ASB3: variants seen among roughly 807,000 people sequenced by gnomAD.
The protein encoded by ASB3 is ankyrin repeat and SOCS box containing 3.
In ASB3, 41 loss-of-function variants were observed where a neutral mutation model predicts 54.5. The ratio of observed to expected loss-of-function variants is 0.75; its 90% confidence interval spans 0.59 to 0.98. ASB3 has a LOEUF of 0.98. Among genes scored for constraint, ASB3 ranks in the 50% least tolerant of loss-of-function variants. ASB3 has a pLI of 0.00. For missense variants in ASB3, 733 were observed against 620.0 expected (o/e 1.18, Z -1.94); for synonymous variants, 266 against 221.2 (o/e 1.20, Z -1.80).
At chr2:53,705,552 C>T (rs186255119) in intron 7 of ASB3, among the ~76,000 whole-genome samples, 7 of 152,124 alleles carry the variant, frequency 4.6e-5, no homozygotes, top group Admixed American at 2.0e-4. Flanking sequence ...TCTGACCATG[C>T]CTTTCTGTGA....
chr2:53,774,630 T>C, intron 1 of ASB3: 1 of 837,176 alleles, frequency 1.2e-6, no homozygotes, highest in Non-Finnish European at 1.7e-6. Flanking sequence ...TATTTAAACT[T>C]TTATTTTAAC....
At chr2:53,761,117 C>A (rs1216936964) in intron 2 of ASB3, among the ~76,000 whole-genome samples, 1 of 152,160 alleles carries the variant, frequency 6.6e-6, no homozygotes. Context: ...ACAGGACTAG[C>A]TGGATTTCCT....
chr2:53,737,309 G>A lies in ASB3; in HGVS notation c.356-7739C>T, dbSNP rs1671693874. Reference sequence around the variant, plus strand: ...CCAAGTAGAGCAACAGTAAGGTTGGGAAAGGTGTACTCCAACCAGAGGAAA... The same window carrying A: ...CCAAGTAGAGCAACAGTAAGGTTGGAAAAGGTGTACTCCAACCAGAGGAAA... On this transcript the variant is annotated intron_variant, in intron 3 of 9. Transcript: ENST00000263634. Among the ~76,000 whole-genome samples, 5 of 152,134 alleles carry A rather than the reference G, an allele frequency of 3.3e-5. No individual in the cohort carries two copies. In the South Asian group the frequency reaches 1.0e-3, roughly 32 times the overall value.
At chr2:53,767,977 C>A in intron 1 of ASB3, 1 of 1,614,088 alleles carries the variant, frequency 6.2e-7, no homozygotes, top group Non-Finnish European at 8.5e-7. Flanking sequence ...CTACAGCAGG[C>A]GCTTCTGGCA....
intron 5 of ASB3, among the ~76,000 whole-genome samples, chr2:53,725,184 A>G (rs879597704): frequency 3.0e-4 from 45 of 152,348 alleles, no homozygotes; most frequent in Admixed American, 2.9e-3. Context: ...TTAACAAATT[A>G]ACAAAAACCA....
At chr2:53,671,380 G>A (rs1667809075) in intron 9 of ASB3, among the ~76,000 whole-genome samples, 1 of 151,804 alleles carries the variant, frequency 6.6e-6, no homozygotes, top group Admixed American at 6.6e-5. Flanking sequence ...GTGTGTGTGT[G>A]TGTGTGTGTG....
chr2:53,779,136 T>C (rs904266784), intron 1 of ASB3, among the ~76,000 whole-genome samples: 2 of 152,256 alleles, frequency 1.3e-5, no homozygotes, highest in African/African-American at 2.4e-5. Context: ...TGATGATTAG[T>C]AATGTTGAAC....
intron 9 of ASB3, among the ~76,000 whole-genome samples, chr2:53,682,730 G>A (rs1668441101): frequency 1.3e-5 from 2 of 152,062 alleles, no homozygotes; most frequent in African/African-American, 4.8e-5. Context: ...ACCCACCTCG[G>A]CCTCCCAAAG....
chr2:53,761,170 G>C (rs763486270), intron 2 of ASB3, among the ~76,000 whole-genome samples: 1 of 152,086 alleles, frequency 6.6e-6, no homozygotes, highest in African/African-American at 2.4e-5. Context: ...AAAGGTGACC[G>C]CACCTACCTT....
intron 5 of ASB3, among the ~76,000 whole-genome samples, chr2:53,724,972 T>C (rs202151380): frequency 6.6e-6 from 1 of 152,106 alleles, no homozygotes; most frequent in African/African-American, 2.4e-5. Context: ...AAAATATACA[T>C]GCACTTGCAT....
At chr2:53,719,829 A>AG (rs1440430134) in intron 5 of ASB3, among the ~76,000 whole-genome samples, 2 of 152,132 alleles carry the variant, frequency 1.3e-5, no homozygotes, top group African/African-American at 2.4e-5. Flanking sequence ...AACTCTTACA[A>AG]GGGGGGAGGA....
intron 5 of ASB3, among the ~76,000 whole-genome samples, chr2:53,717,155 T>C (rs1418922586): frequency 6.6e-6 from 1 of 152,234 alleles, no homozygotes; most frequent in African/African-American, 2.4e-5. Flanking sequence ...CAATGAAGGA[T>C]ACATTTCATT....
At chr2:53,752,651 T>C (rs1672582617) in intron 2 of ASB3, among the ~76,000 whole-genome samples, 1 of 152,276 alleles carries the variant, frequency 6.6e-6, no homozygotes, top group Non-Finnish European at 1.5e-5. Flanking sequence ...AGCATTTGGC[T>C]GTCTCCTCTC....
chr2:53,676,559 A>G (rs1668089803), intron 9 of ASB3, among the ~76,000 whole-genome samples: 1 of 152,230 alleles, frequency 6.6e-6, no homozygotes, highest in Non-Finnish European at 1.5e-5. Flanking sequence ...CACAGGTGTC[A>G]TAACATCAAC....
rs1263442476 is a variant in ASB3 at position 53,670,623 on chromosome 2, T to C, written c.1437A>G (p.Leu479=). The C allele has an allele frequency of 1.9e-6, 3 of 1,614,072 alleles. No homozygotes were observed. The highest frequency in any genetic ancestry group is 2.2e-5 in the East Asian group (1 of 44,868). The change falls in exon 10 of 10, where the codon CTA becomes CTG. Residue 479 remains leucine (L), a synonymous_variant. Coordinates refer to ENST00000263634, the MANE Select transcript of ASB3 (RefSeq NM_016115.5). Reference sequence around the variant, plus strand: ...GCTGACTAATATAACTGTCAGACCGTAGACGTTCTGATTTTAGACTGGACC... The same window carrying C: ...GCTGACTAATATAACTGTCAGACCGCAGACGTTCTGATTTTAGACTGGACC... ...EIRSSLKSER[L]RSDSYISQLP... is the part of the protein sequence containing the mutation.
chr2:53,670,430 T>C lies in ASB3; in HGVS notation c.*73A>G, dbSNP rs890604813. 4 of 1,506,892 alleles carry C rather than the reference T, an allele frequency of 2.7e-6. No homozygotes were observed. In the African/African-American group the frequency reaches 5.7e-5, roughly 21 times the overall value. 93.3% of individuals were successfully genotyped at this position (1,506,892 alleles called of 1,614,324 possible). On this transcript the variant is annotated 3_prime_UTR_variant, in exon 10 of 10. Coordinates refer to ENST00000263634, the MANE Select transcript of ASB3 (RefSeq NM_016115.5). ...TTTTGACTATAAAATCATAAAAACTTGTACTCTGTGGCTCTTTTGTCTCGA... is the reference window on the plus strand; with the variant it reads ...TTTTGACTATAAAATCATAAAAACTCGTACTCTGTGGCTCTTTTGTCTCGA...
At chr2:53,756,005 A>G (rs1016783015) in intron 2 of ASB3, among the ~76,000 whole-genome samples, 2 of 148,466 alleles carry the variant, frequency 1.3e-5, no homozygotes, top group African/African-American at 4.9e-5. Context: ...CAAAATATAG[A>G]AAATAAAAAA....
chr2:53,714,152 A>G (rs777778831), intron 7 of ASB3, among the ~76,000 whole-genome samples: 9 of 152,284 alleles, frequency 5.9e-5, no homozygotes, highest in Admixed American at 1.3e-4. Flanking sequence ...TAAGATTGCT[A>G]CACTAAAAAT....
At chr2:53,696,419 G>C (rs1269544279) in intron 8 of ASB3, among the ~76,000 whole-genome samples, 1 of 152,040 alleles carries the variant, frequency 6.6e-6, no homozygotes, top group South Asian at 2.1e-4. Context: ...ATTGGGAAAG[G>C]GGGGATAAAT....
Sources: gnomAD v4.1 joint callset for allele counts (sites outside exome capture counted in the v4.1 genomes callset) on GRCh38, gnomAD v4.1.1 for gene constraint, MANE v1.5 for transcripts, NCBI Gene and HGNC (gene_info 2026-07-23, HGNC 2026-07-21) for gene names.